Variants in SLC30A5 observed in about 807,000 individuals in gnomAD.
SLC30A5 encodes solute carrier family 30 member 5.
A neutral mutation model predicts 79.6 loss-of-function variants in SLC30A5; 33 were observed. The ratio of observed to expected loss-of-function variants is 0.41; its 90% CI spans 0.31 to 0.55. SLC30A5 has a LOEUF of 0.55. Ranked by LOEUF, SLC30A5 falls within the 20% of genes least tolerant of loss-of-function variation. SLC30A5 has a pLI of 0.20. For missense variants in SLC30A5, 788 were observed against 928.1 expected, an observed-to-expected ratio of 0.85 and a Z score of 1.96; for synonymous variants, 299 against 319.7, an observed-to-expected ratio of 0.94 and a Z score of 0.69.
intron 10 of SLC30A5, 51 bp from the exon 11 acceptor site, chr5:69,117,188 T>C (rs1430077159): frequency 6.7e-7 from 1 of 1,490,062 alleles, no homozygotes; most frequent in Non-Finnish European, 9.2e-7. Context: ...ATCCTCCTAA[T>C]TGAAACAGTG....
chr5:69,103,764 A>G (rs1745999353), intron 3 of SLC30A5, among the ~76,000 whole-genome samples: 1 of 152,182 alleles, frequency 6.6e-6, no homozygotes. Context: ...ATTTTGCATA[A>G]TCATCTCACA....
Position 69,117,367 on chromosome 5 carries a change from G to T in SLC30A5, c.1410G>T (p.Arg470Ser). Residue 470 changes from arginine (R) to serine (S), a missense_variant, in exon 11 of 16, where the codon AGG (arginine) becomes AGT (serine). This residue lies in a region of SLC30A5 where 626 missense variants were observed against 755.5 expected (regional missense o/e 0.83). Coordinates refer to ENST00000396591, the MANE Select transcript of SLC30A5 (RefSeq NM_022902.5). ...VMGLFAALMS[R>S]WKATRIFSYG... ...GACTTTTTGCTGCCCTGATGAGTAG[G>T]TGGAAAGCCACTCGGATTTTCTCCT... The T allele has an allele frequency of 6.2e-7, 1 of 1,613,952 alleles. No individual in the cohort carries two copies. The highest frequency in any genetic ancestry group is 1.1e-5 in the South Asian group (1 of 91,058).
chr5:69,097,448 A>G (rs12519270), intron 1 of SLC30A5, among the ~76,000 whole-genome samples: 43,315 of 151,356 alleles, frequency 0.29, 6,490 homozygotes, highest in African/African-American at 0.35. Flanking sequence ...CCCTTCCTTC[A>G]TTCCTTCCTT....
intron 13 of SLC30A5, 143 bp downstream of exon 13, chr5:69,122,038 C>T: frequency 1.6e-6 from 1 of 626,050 alleles, no homozygotes. Flanking sequence ...CTGAAGCTAT[C>T]ACTATAGAAA....
intron 4 of SLC30A5, 48 bp from the exon 5 acceptor site, chr5:69,108,301 G>A (rs1175436285): frequency 6.9e-7 from 1 of 1,444,344 alleles, no homozygotes; most frequent in Admixed American, 1.7e-5. Flanking sequence ...CATGCGTCTT[G>A]ATAAAGATAA....
In SLC30A5 at chr5:69,129,620, T is replaced by C. The variant is rs766387223; in HGVS notation, c.*3T>C. On this transcript the variant is annotated 3_prime_UTR_variant, in exon 16 of 16. Transcript: ENST00000396591. ...AAGATGGTACTTACATCATGTGAGATAACTCAAGAATTACCCCTGGAGAAT... is the reference window on the plus strand; with the variant it reads ...AAGATGGTACTTACATCATGTGAGACAACTCAAGAATTACCCCTGGAGAAT... 4 of 1,602,420 alleles carry C rather than the reference T, an allele frequency of 2.5e-6. No homozygotes were observed. Among genetic ancestry groups the C allele is most frequent in the Non-Finnish European group, 3.4e-6 (4 of 1,174,792 alleles).
rs1384222110 is a variant in SLC30A5, at chr5:69,121,825, T to C, written c.1701T>C (p.His567=). 6.2e-6 allele frequency: 10 copies of C among 1,613,372 alleles called. No individual in the cohort carries two copies. Among genetic ancestry groups the C allele is most frequent in the Non-Finnish European group, 8.5e-6 (10 of 1,179,678 alleles). Residue 567 remains histidine (H), a synonymous_variant, in exon 13 of 16, where the codon CAT becomes CAC. Coordinates refer to ENST00000396591, the MANE Select transcript of SLC30A5 (RefSeq NM_022902.5). ...SSDHSHSHHM[H]GHSDHGHGHS... ...ATCACAGCCATTCACACCATATGCA[T>C]GGACACAGTGACCATGGGCATGGTC... is the stretch of plus-strand genomic sequence containing the variant.
Position 69,123,299 on chromosome 5 carries a change from C to A in SLC30A5, c.1872C>A (p.Leu624=), listed in dbSNP as rs1580186106. 6.2e-7 allele frequency: 1 copy of A among 1,613,974 alleles called. No homozygotes were observed. The part of the protein sequence containing the change: ...EQFGWFIADP[L]CSLFIAILIF... Reference sequence around the variant, plus strand: ...TTGGATGGTTCATCGCTGACCCACTCTGTTCTCTTTTTATTGCTATATTAA... The same window carrying A: ...TTGGATGGTTCATCGCTGACCCACTATGTTCTCTTTTTATTGCTATATTAA... Residue 624 remains leucine (L), a synonymous_variant, in exon 14 of 16, where the codon CTC becomes CTA. Coordinates refer to ENST00000396591, the MANE Select transcript of SLC30A5 (RefSeq NM_022902.5).
intron 4 of SLC30A5, 43 bp from the exon 5 acceptor site, chr5:69,108,300 TGATAAA>T (rs753722568): frequency 2.8e-6 from 4 of 1,433,184 alleles, no homozygotes; most frequent in Admixed American, 1.7e-5. Context: ...TCATGCGTCT[TGATAAA>T]GATAAATTAC....
intron 14 of SLC30A5, among the ~76,000 whole-genome samples, chr5:69,126,683 T>C (rs999598338): frequency 6.6e-6 from 1 of 151,600 alleles, no homozygotes; most frequent in African/African-American, 2.4e-5. Flanking sequence ...GGCAGAAGAA[T>C]CGCTTGAACC....
At chr5:69,096,614 TTC>T (rs1246499769) in intron 1 of SLC30A5, among the ~76,000 whole-genome samples, 2 of 152,118 alleles carry the variant, frequency 1.3e-5, no homozygotes, top group Non-Finnish European at 2.9e-5. Flanking sequence ...CTGCTTACCA[TTC>T]TCTCATTTAA....
chr5:69,100,126 G>A (rs889546152), intron 1 of SLC30A5, among the ~76,000 whole-genome samples: 3 of 152,186 alleles, frequency 2.0e-5, no homozygotes, highest in South Asian at 2.1e-4. Context: ...CCGCCACCAC[G>A]CCCAGCTAAT....
At position 69,123,226 on chromosome 5, in the gene SLC30A5, C is replaced by G; in HGVS notation, c.1799C>G (p.Thr600Arg). 1 of 1,608,408 alleles carries G rather than the reference C, an allele frequency of 6.2e-7. No individual in the cohort carries two copies. The highest frequency in any genetic ancestry group is 8.5e-7 in the Non-Finnish European group (1 of 1,176,642). ...RGVFLHVLAD[T>R]LGSIGVIVST... ...GTATTTCTACATGTTTTGGCAGATA[C>G]ACTTGGCAGCATTGGTGTGATCGTA... The change falls in exon 14 of 16, where the codon ACA (threonine) becomes AGA (arginine). Residue 600 changes from threonine (T) to arginine (R), a missense_variant. Thr to Arg is a moderately conservative substitution (Grantham distance 71). This residue lies in a region of SLC30A5 where 626 missense variants were observed against 755.5 expected (regional missense o/e 0.83). Transcript: ENST00000396591.
Position 69,100,939 on chromosome 5 carries a change from G to A in SLC30A5, c.206+10G>A, listed in dbSNP as rs770075038. On this transcript the variant is annotated intron_variant, in intron 2 of 15. Transcript: ENST00000396591. ...TTATATTAAAACTTGGGTGAGTGTG[G>A]GGGGGGGTTTTTTCTTGATATTTTT... 2.2e-5 allele frequency: 34 copies of A among 1,514,100 alleles called. 1 individual carries two copies. In the South Asian group the frequency reaches 3.8e-4, roughly 17 times the overall value. The allele number at this position is 1,514,100 out of a possible 1,614,324, so 93.8% of individuals were successfully genotyped here.
At chr5:69,118,883 C>T (rs1222796719) in intron 12 of SLC30A5, among the ~76,000 whole-genome samples, 4 of 149,626 alleles carry the variant, frequency 2.7e-5, no homozygotes, top group African/African-American at 7.4e-5. Context: ...TCACTGCAGC[C>T]TCCACCTCTC....
chr5:69,104,156 G>A, intron 3 of SLC30A5: 1 of 1,260,980 alleles, frequency 7.9e-7, no homozygotes. Context: ...TTCTTTTTTT[G>A]AGAAAGAGTC....
chr5:69,112,411 T>C (rs1746258992), intron 5 of SLC30A5, among the ~76,000 whole-genome samples: 1 of 152,176 alleles, frequency 6.6e-6, no homozygotes, highest in Admixed American at 6.6e-5. Context: ...ATGAAAACCT[T>C]TTTCCTCAGC....
chr5:69,129,362 C>T (rs879170487), intron 15 of SLC30A5, 85 bp from the exon 16 acceptor site: 38 of 926,132 alleles, frequency 4.1e-5, no homozygotes, highest in South Asian at 3.7e-4. Context: ...ATACTCAACC[C>T]GTATCAACTA....
At position 69,128,009 on chromosome 5, in the gene SLC30A5, G is replaced by A. The variant is rs755225986; in HGVS notation, c.2004G>A (p.Gln668=). The A allele has an allele frequency of 1.8e-5, 29 of 1,608,948 alleles. No individual in the cohort carries two copies. Among genetic ancestry groups the A allele is most frequent in the Non-Finnish European group, 2.4e-5 (28 of 1,176,908 alleles). The stretch of plus-strand genomic sequence containing the variant: ...TCACCTCTTTTATTTGACAGATACA[G>A]AAAATTGAAGGATTAATATCATACC... The part of the protein sequence containing the change: ...KELHIALEKI[Q]KIEGLISYRD... Residue 668 remains glutamine (Q), a synonymous_variant, in exon 15 of 16, where the codon CAG becomes CAA. Transcript: ENST00000396591.
Sources: gnomAD v4.1 joint callset for allele counts (sites outside exome capture counted in the v4.1 genomes callset) on GRCh38, gnomAD v4.1.1 for gene constraint, gnomAD v4.1.1 regional missense constraint, MANE v1.5 for transcripts, NCBI Gene and HGNC (gene_info 2026-07-23, HGNC 2026-07-21) for gene names.